HHAT: variants seen among roughly 807,000 people sequenced by gnomAD.
HHAT encodes the protein protein-cysteine N-palmitoyltransferase HHAT.
In HHAT, 47 loss-of-function variants were observed where a neutral mutation model predicts 70.8. That is an observed-to-expected ratio of 0.66 (90% CI 0.53 to 0.85). The LOEUF (loss-of-function observed/expected upper bound fraction) is 0.85. HHAT is among the 40% of genes least tolerant of loss of function. The pLI, the probability that HHAT is intolerant of heterozygous loss-of-function variation, is 0.00. For synonymous variants in HHAT, 228 were observed against 247.6 expected (o/e 0.92, Z 0.74); for missense variants, 609 against 604.8 (o/e 1.01, Z -0.07).
At chr1:210,575,063 C>T (rs1213881826) in intron 9 of HHAT, among the ~76,000 whole-genome samples, 2 of 152,004 alleles carry the variant, frequency 1.3e-5, no homozygotes, top group Admixed American at 6.6e-5. Flanking sequence ...AATTTTGATC[C>T]CTGGATTTGG....
intron 11 of HHAT, among the ~76,000 whole-genome samples, chr1:210,640,265 C>G (rs1387057345): frequency 1.3e-5 from 2 of 152,126 alleles, no homozygotes; most frequent in Non-Finnish European, 2.9e-5. Flanking sequence ...CTAACTTATC[C>G]AAATAATCAG....
At chr1:210,359,757 C>T (rs2088052029) in intron 2 of HHAT, among the ~76,000 whole-genome samples, 1 of 152,044 alleles carries the variant, frequency 6.6e-6, no homozygotes, top group South Asian at 2.1e-4. Context: ...ATCCCAGCCA[C>T]TTGAGAGTCT....
At chr1:210,621,916 T>C (rs1471717805) in intron 10 of HHAT, among the ~76,000 whole-genome samples, 1 of 152,092 alleles carries the variant, frequency 6.6e-6, no homozygotes, top group Non-Finnish European at 1.5e-5. Context: ...CACAGTGATG[T>C]TGGAGCAGAG....
At chr1:210,438,501 A>G (rs2093431059) in intron 7 of HHAT, among the ~76,000 whole-genome samples, 1 of 151,752 alleles carries the variant, frequency 6.6e-6, no homozygotes, top group African/African-American at 2.4e-5. Context: ...TGATATACCC[A>G]CATATATATA....
intron 11 of HHAT, among the ~76,000 whole-genome samples, chr1:210,668,866 C>G (rs934551032): frequency 1.3e-5 from 2 of 152,164 alleles, no homozygotes; most frequent in East Asian, 3.9e-4. Flanking sequence ...CTCCTCCTCC[C>G]AGGTTCAAGT....
intron 11 of HHAT, among the ~76,000 whole-genome samples, chr1:210,643,021 G>A (rs1255578048): frequency 2.0e-5 from 3 of 151,956 alleles, no homozygotes; most frequent in African/African-American, 2.4e-5. Context: ...TATTAATTTT[G>A]TGTATAATGT....
intron 8 of HHAT, among the ~76,000 whole-genome samples, chr1:210,471,029 C>T (rs568799741): frequency 7.2e-5 from 11 of 152,110 alleles, no homozygotes; most frequent in Non-Finnish European, 1.3e-4. Flanking sequence ...ATGCTGTAAC[C>T]GTAGCACCCT....
intron 7 of HHAT, among the ~76,000 whole-genome samples, chr1:210,442,530 A>G (rs985370806): frequency 6.1e-4 from 92 of 151,016 alleles, no homozygotes; most frequent in African/African-American, 2.1e-3. Context: ...CTGACTTTTT[A>G]ATGATTGCCA....
chr1:210,379,218 C>T (rs575296088), intron 3 of HHAT, among the ~76,000 whole-genome samples: 1 of 152,340 alleles, frequency 6.6e-6, no homozygotes, highest in African/African-American at 2.4e-5. Flanking sequence ...GCAGAACAGC[C>T]AAAGGGTCTC....
chr1:210,617,044 T>A (rs1180493490), intron 10 of HHAT, among the ~76,000 whole-genome samples: 1 of 152,254 alleles, frequency 6.6e-6, no homozygotes, highest in South Asian at 2.1e-4. Flanking sequence ...CAGCATGTGC[T>A]GGGCAACACA....
chr1:210,624,339 T>C (rs1017613449), intron 11 of HHAT, among the ~76,000 whole-genome samples: 14 of 152,228 alleles, frequency 9.2e-5, no homozygotes, highest in African/African-American at 3.4e-4. Context: ...TCCATTTCTT[T>C]ATAAATTATA....
chr1:210,662,140 C>T (rs1015076140), intron 11 of HHAT, among the ~76,000 whole-genome samples: 4 of 152,174 alleles, frequency 2.6e-5, no homozygotes, highest in Non-Finnish European at 4.4e-5. Context: ...AGCCTTTTGT[C>T]ATCTGCACAA....
At chr1:210,572,174 G>A (rs548983032) in intron 9 of HHAT, among the ~76,000 whole-genome samples, 1 of 152,292 alleles carries the variant, frequency 6.6e-6, no homozygotes, top group East Asian at 1.9e-4. Context: ...TTTAAAAGGT[G>A]CCGTCTCTGA....
rs189211111 is a variant in HHAT, at chr1:210,536,018, G to A, written c.1043+22830G>A. Among the ~76,000 whole-genome samples the A allele has an allele frequency of 4.5e-3, 682 of 152,266 alleles. 4 individuals are homozygous for A. The highest frequency in any genetic ancestry group is 0.016 in the African/African-American group (659 of 41,560). On this transcript the variant is annotated intron_variant, in intron 9 of 11. Transcript: ENST00000261458. ...GGGGAGATTAGGGCATATGCATATC[G>A]AGTCCAGCTCCGAGCTGTCACTGGC...
At chr1:210,535,044 G>C (rs185070038) in intron 9 of HHAT, among the ~76,000 whole-genome samples, 20 of 152,212 alleles carry the variant, frequency 1.3e-4, no homozygotes, top group Non-Finnish European at 1.6e-4. Flanking sequence ...TCTTAACCAG[G>C]CTTCCTGACC....
intron 9 of HHAT, among the ~76,000 whole-genome samples, chr1:210,533,210 A>T (rs2095333127): frequency 6.6e-6 from 1 of 150,908 alleles, no homozygotes; most frequent in Admixed American, 6.6e-5. Context: ...GCCAGGAGTG[A>T]TAAGTGGGTG....
At chr1:210,588,305 A>G (rs1416070378) in intron 10 of HHAT, 27 of 484,120 alleles carry the variant, frequency 5.6e-5, no homozygotes, top group Non-Finnish European at 9.1e-5. Flanking sequence ...GTGTGTGTGT[A>G]TATATAACTA....
chr1:210,564,869 G>T (rs1244137084), intron 9 of HHAT, among the ~76,000 whole-genome samples: 2 of 152,208 alleles, frequency 1.3e-5, no homozygotes, highest in Admixed American at 6.5e-5. Context: ...GAAATGGGAT[G>T]GGGGGTCACT....
At chr1:210,607,508 T>C (rs891253972) in intron 10 of HHAT, among the ~76,000 whole-genome samples, 1 of 152,184 alleles carries the variant, frequency 6.6e-6, no homozygotes. Flanking sequence ...TTGAACAGAA[T>C]ATAGCTGAGG....
Sources: gnomAD v4.1 joint callset for allele counts (sites outside exome capture counted in the v4.1 genomes callset) on GRCh38, gnomAD v4.1.1 for gene constraint, MANE v1.5 for transcripts, NCBI Gene and HGNC (gene_info 2026-07-23, HGNC 2026-07-21) for gene names.